Variants in ZNF385D observed in about 807,000 individuals in gnomAD.
ZNF385D encodes zinc finger protein 659.
Under a neutral mutation model 35.8 loss-of-function variants are expected in ZNF385D, and 15 were observed. That is an observed-to-expected ratio of 0.42 (90% CI 0.28 to 0.64). The LOEUF (loss-of-function observed/expected upper bound fraction) is 0.64, where lower values mean the gene tolerates loss of function less well. Among genes scored for constraint, ZNF385D ranks in the 30% least tolerant of loss-of-function variants. The pLI is 0.23. For missense variants in ZNF385D, 474 were observed against 494.6 expected, an observed-to-expected ratio of 0.96 and a Z score of 0.39; for synonymous variants, 212 against 186.8, an observed-to-expected ratio of 1.13 and a Z score of -1.10.
At chr3:21,429,086 T>C (rs1213374809) in intron 5 of ZNF385D, among the ~76,000 whole-genome samples, 1 of 151,832 alleles carries the variant, frequency 6.6e-6, no homozygotes, top group African/African-American at 2.4e-5. Context: ...TAGCTGGCTT[T>C]CAAGTTTGGT....
At chr3:21,586,431 TAAAC>T (rs10571983) in intron 2 of ZNF385D, among the ~76,000 whole-genome samples, 4,313 of 152,254 alleles carry the variant, frequency 0.028, 142 homozygotes, top group South Asian at 0.11. Flanking sequence ...GAGGGCCAAA[TAAAC>T]AGGAGAAGTT....
chr3:22,013,892 A>C (rs1696722231), intron 3 of ZNF385D, among the ~76,000 whole-genome samples: 1 of 152,054 alleles, frequency 6.6e-6, no homozygotes, highest in African/African-American at 2.4e-5. Flanking sequence ...AACCTTATCT[A>C]ATTAAGTACA....
At chr3:21,438,829 G>A (rs1701709289) in intron 4 of ZNF385D, among the ~76,000 whole-genome samples, 1 of 152,060 alleles carries the variant, frequency 6.6e-6, no homozygotes, top group African/African-American at 2.4e-5. Context: ...ACTAAGTTTT[G>A]TCACTAGAAT....
At chr3:22,352,410 T>C (rs144774328) in intron 2 of ZNF385D, among the ~76,000 whole-genome samples, 72 of 152,332 alleles carry the variant, frequency 4.7e-4, no homozygotes, top group African/African-American at 1.6e-3. Context: ...ACGTTATCTC[T>C]GTTCCTGTGC....
At chr3:22,080,446 A>G (rs1460027678) in intron 3 of ZNF385D, among the ~76,000 whole-genome samples, 1 of 152,144 alleles carries the variant, frequency 6.6e-6, no homozygotes, top group Admixed American at 6.6e-5. Context: ...CCATATTTTG[A>G]TGGAAACTCA....
chr3:22,120,214 T>G lies in ZNF385D; in HGVS notation c.325+48603A>C, dbSNP rs553899784. Among the ~76,000 whole-genome samples, 9 of 152,144 alleles carry G rather than the reference T, an allele frequency of 5.9e-5. No individual in the cohort carries two copies. In the South Asian group the frequency reaches 1.9e-3, roughly 32 times the overall value. The stretch of plus-strand genomic sequence containing the variant: ...GCCACAACAAAATACCACAGACTAG[T>G]GGCTTAAATAACAGACATTTATCCC... On this transcript the variant is annotated intron_variant, in intron 3 of 5. Transcript: ENST00000494108.
At chr3:21,629,509 A>C (rs2065222578) in intron 2 of ZNF385D, among the ~76,000 whole-genome samples, 2 of 152,188 alleles carry the variant, frequency 1.3e-5, no homozygotes, top group African/African-American at 4.8e-5. Flanking sequence ...AAAAATGACT[A>C]CTTGCCCAAG....
At chr3:21,655,319 A>C (rs765986040) in intron 2 of ZNF385D, among the ~76,000 whole-genome samples, 1 of 152,046 alleles carries the variant, frequency 6.6e-6, no homozygotes. Flanking sequence ...AGTATTAAAC[A>C]TAGAACTCAA....
chr3:21,425,734 G>T lies in ZNF385D; in HGVS notation c.674-64C>A, dbSNP rs1700990106. 1.8e-5 allele frequency: 26 copies of T among 1,442,640 alleles called. No homozygotes were observed. The South Asian group carries it at 2.4e-4, about 13-fold the overall frequency. 89.4% of individuals were successfully genotyped at this position (1,442,640 alleles called of 1,614,324 possible). A position where few individuals can be genotyped will look rare whatever the true frequency, so the allele number is the denominator to read the frequency against. On this transcript the variant is annotated intron_variant, in intron 5 of 7. Transcript: ENST00000281523. ...GGAAAGAAGGGAGGGAGAGAAGGAG[G>T]TGGGATGGGAGGAAAAAAATCTTAG... is the stretch of plus-strand genomic sequence containing the variant.
At position 21,994,398 on chromosome 3, in the gene ZNF385D, ATATC is replaced by A. The variant is rs1240494831; in HGVS notation, c.325+174415_325+174418del. The stretch of plus-strand genomic sequence containing the variant: ...CCAGAATTTATGGGTTTTAAAAATC[ATATC>A]TATCTTTGTTGAATTTCTTATTCAG... On this transcript the variant is annotated intron_variant, in intron 3 of 5. Coordinates refer to the ZNF385D transcript ENST00000494108. Among the ~76,000 whole-genome samples, 3 of 152,318 alleles carry A rather than the reference ATATC, an allele frequency of 2.0e-5. No individual in the cohort carries two copies. In the East Asian group the frequency reaches 5.8e-4, roughly 29 times the overall value.
At chr3:21,810,937 GCACAT>G (rs1477989253) in intron 3 of ZNF385D, among the ~76,000 whole-genome samples, 1 of 145,896 alleles carries the variant, frequency 6.9e-6, no homozygotes, top group Non-Finnish European at 1.5e-5. Context: ...TACACACACA[GCACAT>G]CACACACACA....
chr3:21,757,939 A>C (rs980102504), intron 3 of ZNF385D, among the ~76,000 whole-genome samples: 10 of 152,202 alleles, frequency 6.6e-5, no homozygotes, highest in Non-Finnish European at 4.4e-5. Flanking sequence ...AAATCTATTG[A>C]AAGTCTTCTA....
At chr3:21,930,920 A>T (rs576287665) in intron 3 of ZNF385D, among the ~76,000 whole-genome samples, 2 of 152,154 alleles carry the variant, frequency 1.3e-5, no homozygotes, top group African/African-American at 2.4e-5. Context: ...TTTCTTATAT[A>T]TAACATTAAA....
At chr3:22,089,929 C>T (rs1305356412) in intron 3 of ZNF385D, among the ~76,000 whole-genome samples, 1 of 152,116 alleles carries the variant, frequency 6.6e-6, no homozygotes, top group African/African-American at 2.4e-5. Context: ...ACCTCTGCCT[C>T]CTGGGTTCAA....
At chr3:22,057,085 C>T in intron 3 of ZNF385D, among the ~76,000 whole-genome samples, 1 of 152,268 alleles carries the variant, frequency 6.6e-6, no homozygotes, top group South Asian at 2.1e-4. Context: ...TTTAACCTAC[C>T]ACATCTGATC....
chr3:22,368,535 T>A (rs9821153), intron 2 of ZNF385D, among the ~76,000 whole-genome samples: 33,053 of 151,902 alleles, frequency 0.22, 3,985 homozygotes, highest in Non-Finnish European at 0.28. Context: ...CAACAAACAT[T>A]TGTTTATCAC....
chr3:21,881,110 T>C (rs1159698852), intron 3 of ZNF385D, among the ~76,000 whole-genome samples: 1 of 151,970 alleles, frequency 6.6e-6, no homozygotes, highest in Non-Finnish European at 1.5e-5. Flanking sequence ...TGTAGAAGCT[T>C]CAGCAAGTGA....
At chr3:22,236,058 A>G (rs1699165750) in intron 2 of ZNF385D, among the ~76,000 whole-genome samples, 1 of 152,162 alleles carries the variant, frequency 6.6e-6, no homozygotes, top group Admixed American at 6.6e-5. Flanking sequence ...GAATTTGGGG[A>G]AAAAAAGGAA....
At chr3:21,696,331 C>T (rs186150643) in intron 1 of ZNF385D, among the ~76,000 whole-genome samples, 14 of 152,302 alleles carry the variant, frequency 9.2e-5, no homozygotes, top group African/African-American at 3.4e-4. Flanking sequence ...GTTACTTTAT[C>T]TATGAAATGG....
Sources: allele counts gnomAD v4.1 joint callset (sites outside exome capture counted in the v4.1 genomes callset), GRCh38; gene constraint gnomAD v4.1.1; transcripts MANE v1.5; gene names NCBI Gene and HGNC (gene_info 2026-07-23, HGNC 2026-07-21).